SPG21: variants seen among roughly 807,000 people sequenced by gnomAD.
The protein encoded by SPG21 is SPG21 abhydrolase domain containing, maspardin, also known as maspardin.
In SPG21, 26 loss-of-function variants were observed where a neutral mutation model predicts 38.9. The observed-to-expected ratio is 0.67, with a 90% CI of 0.49 to 0.93. The LOEUF (loss-of-function observed/expected upper bound fraction) is 0.93, where lower values mean the gene tolerates loss of function less well. SPG21 is among the 40% of genes least tolerant of loss of function. The pLI, the probability that SPG21 is intolerant of heterozygous loss-of-function variation, is 0.00. For missense variants in SPG21, 333 were observed against 376.5 expected (o/e 0.88, Z 0.96); for synonymous variants, 136 against 128.9 (o/e 1.05, Z -0.37).
chr15:64,974,203 A>G (rs2085729859), intron 5 of SPG21, among the ~76,000 whole-genome samples: 1 of 152,248 alleles, frequency 6.6e-6, no homozygotes, highest in African/African-American at 2.4e-5. Flanking sequence ...ACAGTGGCTC[A>G]TGCCTGTAAT....
intron 2 of SPG21, among the ~76,000 whole-genome samples, chr15:64,982,621 A>C (rs1371034532): frequency 6.6e-6 from 1 of 152,182 alleles, no homozygotes. Context: ...CCTGCAAGGG[A>C]ATCAGCAAAG....
intron 4 of SPG21, among the ~76,000 whole-genome samples, chr15:64,975,981 T>C (rs2085764845): frequency 1.3e-5 from 2 of 152,064 alleles, no homozygotes; most frequent in African/African-American, 2.4e-5. Flanking sequence ...TGCTAATGAA[T>C]ATGAGGTTTT....
intron 8 of SPG21, among the ~76,000 whole-genome samples, chr15:64,964,722 C>T (rs1019751741): frequency 1.3e-5 from 2 of 152,110 alleles, no homozygotes; most frequent in Non-Finnish European, 2.9e-5. Flanking sequence ...CCTCTGCCTC[C>T]AGGATTCAAG....
At chr15:64,977,951 T>C (rs1479299704) in intron 3 of SPG21, among the ~76,000 whole-genome samples, 1 of 152,046 alleles carries the variant, frequency 6.6e-6, no homozygotes, top group Non-Finnish European at 1.5e-5. Context: ...GTCTCCTGAG[T>C]AGCTGGGACT....
intron 7 of SPG21, among the ~76,000 whole-genome samples, chr15:64,967,042 A>T (rs2085553050): frequency 6.6e-6 from 1 of 152,170 alleles, no homozygotes; most frequent in Admixed American, 6.5e-5. Flanking sequence ...CCATTAGGAT[A>T]AGTATCAACC....
intron 1 of SPG21, among the ~76,000 whole-genome samples, chr15:64,985,616 C>G (rs745978725): frequency 6.6e-6 from 1 of 152,208 alleles, no homozygotes; most frequent in Non-Finnish European, 1.5e-5. Flanking sequence ...CAAGAGCAAG[C>G]CTTGATCCTA....
intron 7 of SPG21, among the ~76,000 whole-genome samples, chr15:64,965,755 G>A (rs1294452421): frequency 6.6e-6 from 1 of 151,370 alleles, no homozygotes; most frequent in East Asian, 1.9e-4. Context: ...GAGGTAGAGT[G>A]CAGTGGTGTG....
chr15:64,969,007 G>A (rs553704750), intron 7 of SPG21, among the ~76,000 whole-genome samples: 24 of 152,126 alleles, frequency 1.6e-4, no homozygotes, highest in Non-Finnish European at 3.4e-4. Flanking sequence ...CTCCCAAAGC[G>A]CTGGGATTAC....
At chr15:64,970,747 A>G (rs779544571) in intron 5 of SPG21, among the ~76,000 whole-genome samples, 5 of 152,056 alleles carry the variant, frequency 3.3e-5, no homozygotes, top group Non-Finnish European at 7.4e-5. Flanking sequence ...TATTATTGTT[A>G]TTATTTTTTG....
chr15:64,979,160 G>A (rs533521640), intron 3 of SPG21, among the ~76,000 whole-genome samples: 64 of 152,298 alleles, frequency 4.2e-4, no homozygotes, highest in African/African-American at 1.5e-3. Context: ...TAATGAAACA[G>A]GGAAAGCGCA....
In SPG21 at chr15:64,963,137, A is replaced by G. The variant is rs1274322671; in HGVS notation, c.*483T>C. 6.5e-6 allele frequency: 1 copy of G among 153,568 alleles called. No individual in the cohort carries two copies. The highest frequency in any genetic ancestry group is 1.5e-5 in the Non-Finnish European group (1 of 68,716). 9.5% of individuals were successfully genotyped at this position (153,568 alleles called of 1,614,324 possible). ...GCAGTTGATTTGCAGGAGAGCAAAC[A>G]GTGGGGTAGTGGCCATGGCACTCTG... On this transcript the variant is annotated 3_prime_UTR_variant, in exon 9 of 9. Transcript: ENST00000204566.
At chr15:64,978,908 G>C (rs891828268) in intron 3 of SPG21, among the ~76,000 whole-genome samples, 2 of 152,056 alleles carry the variant, frequency 1.3e-5, no homozygotes, top group South Asian at 4.1e-4. Context: ...GCAAAGGTTC[G>C]GCAGAAACTG....
At chr15:64,981,234 A>G (rs181545800) in intron 2 of SPG21, 387 of 591,492 alleles carry the variant, frequency 6.5e-4, no homozygotes, top group African/African-American at 6.5e-3. Context: ...AACTACTTAG[A>G]ACTACTTTAT....
At chr15:64,988,110 T>C (rs776867199) in intron 1 of SPG21, among the ~76,000 whole-genome samples, 6 of 151,964 alleles carry the variant, frequency 3.9e-5, no homozygotes, top group Non-Finnish European at 8.8e-5. Context: ...TAATCCCAGC[T>C]ACTTAGGAGG....
chr15:64,974,535 G>A (rs912806183), intron 5 of SPG21, 67 bp downstream of exon 5: 3 of 1,578,528 alleles, frequency 1.9e-6, no homozygotes, highest in African/African-American at 2.7e-5. Context: ...CCTTCCTAAT[G>A]TACCAAACAC....
chr15:64,988,224 A>AAAAC (rs886801449), intron 1 of SPG21, among the ~76,000 whole-genome samples: 28 of 152,156 alleles, frequency 1.8e-4, no homozygotes, highest in Admixed American at 3.9e-4. Flanking sequence ...TCTGTCTCAA[A>AAAAC]AAACAAACAA....
chr15:64,988,506 C>A lies in SPG21; in HGVS notation c.-25+1159G>T, dbSNP rs566485277. 2.0e-5 allele frequency: 3 copies of A among 152,350 alleles called. No individual in the cohort carries two copies. The South Asian group carries it at 6.2e-4, about 32-fold the overall frequency. 9.4% of individuals were successfully genotyped at this position (152,350 alleles called of 1,614,324 possible). On this transcript the variant is annotated intron_variant, in intron 1 of 8. Transcript: ENST00000204566. ...CTGGCTTTTTAATGCACGTCTCCATCCCTCACCACAGAAGTACACAGCTAT... is the reference window on the plus strand; with the variant it reads ...CTGGCTTTTTAATGCACGTCTCCATACCTCACCACAGAAGTACACAGCTAT...
chr15:64,976,891 G>A (rs1274656250), intron 3 of SPG21, among the ~76,000 whole-genome samples: 1 of 152,280 alleles, frequency 6.6e-6, no homozygotes. Context: ...AAGAAATACC[G>A]TTTTCTCTTA....
chr15:64,988,551 A>T (rs2086046001), intron 1 of SPG21: 1 of 152,186 alleles, frequency 6.6e-6, no homozygotes, highest in South Asian at 2.1e-4. Flanking sequence ...AGATCTCTTC[A>T]GGGGAGATCT....
Sources: allele counts gnomAD v4.1 joint callset (sites outside exome capture counted in the v4.1 genomes callset), GRCh38; gene constraint gnomAD v4.1.1; transcripts MANE v1.5; gene names NCBI Gene and HGNC (gene_info 2026-07-23, HGNC 2026-07-21).